Variants in C4orf36 observed in about 807,000 individuals in gnomAD.
C4orf36 encodes chromosome 4 open reading frame 36.
In C4orf36, 11 loss-of-function variants were observed where a neutral mutation model predicts 12.2. The observed-to-expected ratio is 0.90, with a 90% CI of 0.57 to 1.49. C4orf36 has a LOEUF of 1.49. Ranked by LOEUF, C4orf36 falls within the 40% of genes most tolerant of loss-of-function variation. The probability of loss-of-function intolerance (pLI) is 0.00; values close to 1 mark genes in which losing one functional copy is unlikely to be tolerated. For synonymous variants in C4orf36, 54 were observed against 51.3 expected (o/e 1.05, Z -0.22); for missense variants, 137 against 133.9 (o/e 1.02, Z -0.11).
chr4:86,888,148 T>C lies in C4orf36; in HGVS notation c.193A>G (p.Lys65Glu), dbSNP rs1578778102. ...SVQLTKCTTI[K>E]DGLLPSAESI... ...TCTGCAGAAGGGAGCAGTCCATCTT[T>C]AATGGTGGTACATTTTGTGAGCTGC... The change falls in exon 3 of 5, where the codon AAA becomes GAA. Residue 65 changes from lysine (K) to glutamate (E), a missense_variant. Coordinates refer to ENST00000295898, the MANE Select transcript of C4orf36 (RefSeq NM_144645.4). 6.8e-6 allele frequency: 11 copies of C among 1,613,974 alleles called. No homozygotes were observed. The highest frequency in any genetic ancestry group is 9.3e-6 in the Non-Finnish European group (11 of 1,179,970).
At chr4:86,909,074 C>G in the C4orf36 span, among the ~76,000 whole-genome samples, 3 of 152,262 alleles carry the variant, frequency 2.0e-5, no homozygotes, top group East Asian at 5.8e-4. Flanking sequence ...TCTCTGTGTC[C>G]TTCTCCCATA....
the C4orf36 span, chr4:86,935,494 G>A: frequency 2.0e-5 from 3 of 152,540 alleles, no homozygotes; most frequent in African/African-American, 7.2e-5. Flanking sequence ...ACGGGGACAT[G>A]GGAAGAGACC....
At chr4:86,918,236 T>TG in the C4orf36 span, among the ~76,000 whole-genome samples, 3 of 152,258 alleles carry the variant, frequency 2.0e-5, no homozygotes, top group Non-Finnish European at 2.9e-5. Flanking sequence ...ATATGAATTT[T>TG]GGGGGGGACA....
chr4:86,921,458 A>T, the C4orf36 span, among the ~76,000 whole-genome samples: 1 of 152,190 alleles, frequency 6.6e-6, no homozygotes, highest in Non-Finnish European at 1.5e-5. Flanking sequence ...GGTTGGCTAC[A>T]TATTTTCTCT....
At chr4:86,929,845 C>G in the C4orf36 span, among the ~76,000 whole-genome samples, 4 of 152,168 alleles carry the variant, frequency 2.6e-5, no homozygotes, top group Non-Finnish European at 4.4e-5. Flanking sequence ...TAATAATGGA[C>G]ACTTGAATCA....
At chr4:86,903,170 A>T in the C4orf36 span, among the ~76,000 whole-genome samples, 1 of 152,218 alleles carries the variant, frequency 6.6e-6, no homozygotes, top group African/African-American at 2.4e-5. Flanking sequence ...CATTTCTTCC[A>T]TGAGGAAAGG....
chr4:86,904,857 A>G, the C4orf36 span, among the ~76,000 whole-genome samples: 1 of 152,182 alleles, frequency 6.6e-6, no homozygotes, highest in Non-Finnish European at 1.5e-5. Context: ...TAAGGACTGA[A>G]TTGTGCCCCC....
chr4:86,880,763 C>A (rs1381744860), intron 4 of C4orf36, among the ~76,000 whole-genome samples: 1 of 152,008 alleles, frequency 6.6e-6, no homozygotes, highest in African/African-American at 2.4e-5. Context: ...AGAATTAGGC[C>A]AGGTGCAGTG....
At chr4:86,888,661 C>T (rs541304863) in intron 2 of C4orf36, among the ~76,000 whole-genome samples, 25 of 152,290 alleles carry the variant, frequency 1.6e-4, no homozygotes, top group African/African-American at 4.8e-4. Flanking sequence ...GTGCTTGGCA[C>T]AGACTAAGGT....
intron 4 of C4orf36, chr4:86,886,761 A>G (rs901796672): frequency 1.3e-5 from 2 of 152,196 alleles, no homozygotes; most frequent in Admixed American, 1.3e-4. Context: ...TCCCATTACT[A>G]GGTATATACC....
the C4orf36 span, among the ~76,000 whole-genome samples, chr4:86,906,685 C>T: frequency 6.5e-5 from 9 of 139,532 alleles, no homozygotes; most frequent in South Asian, 9.1e-4. Context: ...GAGTTGAGAT[C>T]GCATCGCTAC....
the C4orf36 span, among the ~76,000 whole-genome samples, chr4:86,908,297 G>C: frequency 6.6e-6 from 1 of 152,018 alleles, no homozygotes; most frequent in Non-Finnish European, 1.5e-5. Flanking sequence ...AAGTGGGTTT[G>C]ATAAAGGGAG....
chr4:86,905,759 C>G, the C4orf36 span, among the ~76,000 whole-genome samples: 1 of 150,894 alleles, frequency 6.6e-6, no homozygotes, highest in Non-Finnish European at 1.5e-5. Flanking sequence ...GCTCTGTTGC[C>G]CAGGCTGGAG....
upstream of C4orf36, among the ~76,000 whole-genome samples, chr4:86,894,709 A>G (rs1247187646): frequency 6.6e-6 from 1 of 152,216 alleles, no homozygotes; most frequent in Non-Finnish European, 1.5e-5. Context: ...TTCTGAGATA[A>G]GGTCATAAAA....
intron 4 of C4orf36, 139 bp from the exon 5 acceptor site, chr4:86,876,582 A>G: frequency 6.2e-7 from 1 of 1,613,968 alleles, no homozygotes; most frequent in South Asian, 1.1e-5. Context: ...AAACCTGCAA[A>G]ATCTTTACAT....
the C4orf36 span, chr4:86,913,549 C>T: frequency 7.9e-6 from 8 of 1,006,482 alleles, no homozygotes; most frequent in East Asian, 2.4e-5. Context: ...TCGAAAAGAG[C>T]GTTGGGCAGC....
chr4:86,897,341 A>T (rs530861500), upstream of C4orf36, among the ~76,000 whole-genome samples: 24 of 152,276 alleles, frequency 1.6e-4, no homozygotes, highest in South Asian at 4.4e-3. Context: ...AGCCTGGGTG[A>T]ATGAGTGAGA....
chr4:86,895,879 TG>T (rs1464486938), upstream of C4orf36, among the ~76,000 whole-genome samples: 1 of 152,232 alleles, frequency 6.6e-6, no homozygotes, highest in Non-Finnish European at 1.5e-5. Flanking sequence ...ATCTCTTCTA[TG>T]CCAGAAAGTA....
the C4orf36 span, among the ~76,000 whole-genome samples, chr4:86,919,657 T>C: frequency 6.6e-6 from 1 of 152,114 alleles, no homozygotes; most frequent in Non-Finnish European, 1.5e-5. Flanking sequence ...ATGAATTCCA[T>C]CTTAAGTCAT....
Sources: gnomAD v4.1 joint callset for allele counts (sites outside exome capture counted in the v4.1 genomes callset) on GRCh38, gnomAD v4.1.1 for gene constraint, MANE v1.5 for transcripts, NCBI Gene and HGNC (gene_info 2026-07-23, HGNC 2026-07-21) for gene names.